Variants in URGCP observed in about 807,000 individuals in gnomAD.
The protein encoded by URGCP is up-regulator of cell proliferation.
Under a neutral mutation model 24.6 loss-of-function variants are expected in URGCP, and 13 were observed. That is an observed-to-expected ratio of 0.53 (90% CI 0.34 to 0.84). The LOEUF is 0.84. Among genes scored for constraint, URGCP ranks in the 40% least tolerant of loss-of-function variants. The pLI is 0.01. For synonymous variants in URGCP, 444 were observed against 487.2 expected, an observed-to-expected ratio of 0.91 and a Z score of 1.17; for missense variants, 899 against 1,194.3, an observed-to-expected ratio of 0.75 and a Z score of 3.64.
chr7:43,890,645 C>G (rs2095869325), intron 1 of URGCP, among the ~76,000 whole-genome samples: 1 of 152,260 alleles, frequency 6.6e-6, no homozygotes, highest in Admixed American at 6.5e-5. Context: ...CCTGCAGCAG[C>G]TGCTCACCTT....
chr7:43,919,279 T>TGATGC, intron 1 of URGCP: 1 of 820,278 alleles, frequency 1.2e-6, no homozygotes. Flanking sequence ...CTCAAGAGGC[T>TGATGC]GATGCAGAAC....
At position 43,919,421 on chromosome 7, in the gene URGCP, C is replaced by T. The variant is rs569397312; in HGVS notation, c.-116+6711G>A. On this transcript the variant is annotated intron_variant, in intron 1 of 5. Coordinates refer to the URGCP transcript ENST00000426198. ...CCACCATCATCTCGGCCAGCACCAT[C>T]ACCCTGCGCTACCCCAGCTACATGG... The T allele has an allele frequency of 4.0e-5, 36 of 892,372 alleles. No homozygotes were observed. The African/African-American group carries it at 5.4e-4, about 13-fold the overall frequency. 55.3% of individuals were successfully genotyped at this position (892,372 alleles called of 1,614,324 possible).
chr7:43,891,220 A>T (rs1278284512), intron 1 of URGCP, among the ~76,000 whole-genome samples: 2 of 152,200 alleles, frequency 1.3e-5, no homozygotes, highest in East Asian at 1.9e-4. Flanking sequence ...CTCCAGATCA[A>T]TCACTAATTT....
In URGCP at chr7:43,913,171, C is replaced by T. The variant is rs546657327; in HGVS notation, c.-116+12961G>A. On this transcript the variant is annotated intron_variant, in intron 1 of 5. Coordinates refer to the URGCP transcript ENST00000426198. Reference sequence around the variant, plus strand: ...CAGCCTCTCCCATACTTTTGAAGGACAATTTGCCAGATATAAGATTCTTGG... The same window carrying T: ...CAGCCTCTCCCATACTTTTGAAGGATAATTTGCCAGATATAAGATTCTTGG... Among the ~76,000 whole-genome samples, 7 of 152,016 alleles carry T rather than the reference C, an allele frequency of 4.6e-5. No homozygotes were observed. In the South Asian group the frequency reaches 1.5e-3, roughly 32 times the overall value.
intron 1 of URGCP, among the ~76,000 whole-genome samples, chr7:43,891,579 T>C (rs572558473): frequency 7.9e-5 from 12 of 152,250 alleles, no homozygotes; most frequent in African/African-American, 2.9e-4. Flanking sequence ...CTTGGCATTA[T>C]CAGTACTGCA....
Position 43,876,996 on chromosome 7 carries a change from G to A in URGCP, c.2467C>T (p.His823Tyr), listed in dbSNP as rs375465430. The A allele has an allele frequency of 1.2e-6, 2 of 1,614,236 alleles. No homozygotes were observed. Among genetic ancestry groups the A allele is most frequent in the Non-Finnish European group, 1.7e-6 (2 of 1,180,046 alleles). The change falls in exon 6 of 6, where the codon CAT becomes TAT. Residue 823 changes from histidine to tyrosine, a missense_variant. His to Tyr is a moderately conservative substitution (Grantham distance 83). Coordinates refer to ENST00000453200, the MANE Select transcript of URGCP (RefSeq NM_001077663.3). ...CTAGGGCCGGGAACAGATACATCAT[G>A]AAGGTTCTGGTATACAAACTGGTAG... ...PNYQFVYQNL[H>Y]DVSVPGPRPR...
At chr7:43,909,878 T>C (rs1286722853), upstream of URGCP, among the ~76,000 whole-genome samples, 1 of 150,404 alleles carries the variant, frequency 6.6e-6, no homozygotes, top group Non-Finnish European at 1.5e-5. Flanking sequence ...CCCTGTTCTC[T>C]ACTAAAAATA....
chr7:43,926,469 G>C (rs915291774), upstream of URGCP: 15 of 1,401,714 alleles, frequency 1.1e-5, no homozygotes, highest in Admixed American at 1.2e-4. Flanking sequence ...TGGCGGCTGA[G>C]CCGGCAGCGG....
rs1157375742 is a variant in URGCP at position 43,918,827 on chromosome 7, C to A, written c.-116+7305G>T. On this transcript the variant is annotated intron_variant, in intron 1 of 5. Coordinates refer to the URGCP transcript ENST00000426198. ...CCATGGAGGAGTTCGCTACTGAGGG[C>A]ACTGACCACAAGGACATCTTTTTCT... The A allele has an allele frequency of 1.1e-5, 14 of 1,271,418 alleles. 1 individual carries two copies. Among genetic ancestry groups the A allele is most frequent in the Non-Finnish European group, 1.6e-5 (14 of 866,272 alleles). 78.8% of individuals were successfully genotyped at this position (1,271,418 alleles called of 1,614,324 possible).
intron 3 of URGCP, among the ~76,000 whole-genome samples, chr7:43,882,841 C>G (rs569041505): frequency 4.6e-5 from 7 of 152,276 alleles, no homozygotes; most frequent in African/African-American, 1.7e-4. Context: ...ATAAAACTTA[C>G]ATAGATTAAC....
chr7:43,910,233 T>C (rs577635989), upstream of URGCP, among the ~76,000 whole-genome samples: 1 of 152,222 alleles, frequency 6.6e-6, no homozygotes, highest in South Asian at 2.1e-4. Flanking sequence ...CATTTATTTA[T>C]GAGACACGGT....
At chr7:43,924,037 A>G (rs1244052835) in intron 1 of URGCP, among the ~76,000 whole-genome samples, 1 of 151,456 alleles carries the variant, frequency 6.6e-6, no homozygotes, top group Non-Finnish European at 1.5e-5. Flanking sequence ...ACCTGGCTAA[A>G]TTTTGTATTT....
At chr7:43,890,824 G>A (rs1167645303) in intron 1 of URGCP, among the ~76,000 whole-genome samples, 1 of 152,240 alleles carries the variant, frequency 6.6e-6, no homozygotes, top group African/African-American at 2.4e-5. Context: ...CACCAGGGCA[G>A]CCATGCCATA....
At chr7:43,903,143 GAGAGAA>G (rs1171548653) in intron 1 of URGCP, among the ~76,000 whole-genome samples, 34 of 150,316 alleles carry the variant, frequency 2.3e-4, no homozygotes, top group African/African-American at 8.1e-4. Context: ...AAAAGAGAGA[GAGAGAA>G]AGAGAAAGAG....
At chr7:43,888,062 T>G in intron 1 of URGCP, 1 of 468,612 alleles carries the variant, frequency 2.1e-6, no homozygotes, top group East Asian at 3.8e-5. Flanking sequence ...ACAGTATGAT[T>G]ACAATTTAAT....
Position 43,876,838 on chromosome 7 carries a change from G to A in URGCP, c.2625C>T (p.Ile875=), listed in dbSNP as rs770294823. 1 of 1,614,198 alleles carries A rather than the reference G, an allele frequency of 6.2e-7. No homozygotes were observed. ...CGTGCCACAGGCCTGGGATGTGCCA[G>A]ATGTGCTGCTTCTCAGGGTCGCAGA... ...LAFCDPEKQH[I]WHIPGLWHGA... is the part of the protein sequence containing the mutation. Residue 875 remains isoleucine (I), a synonymous_variant, in exon 6 of 6, where the codon ATC becomes ATT. Coordinates refer to ENST00000453200, the MANE Select transcript of URGCP (RefSeq NM_001077663.3).
At chr7:43,899,325 G>A (rs1373365013) in intron 1 of URGCP, among the ~76,000 whole-genome samples, 1 of 142,482 alleles carries the variant, frequency 7.0e-6, no homozygotes, top group East Asian at 2.0e-4. Context: ...TCACTATGTT[G>A]CCCAGGCCAG....
At chr7:43,912,545 G>A (rs2095911126) in intron 1 of URGCP, among the ~76,000 whole-genome samples, 1 of 152,090 alleles carries the variant, frequency 6.6e-6, no homozygotes, top group Non-Finnish European at 1.5e-5. Flanking sequence ...AACTGTTTTG[G>A]CTGTTCAGGA....
chr7:43,906,668 C>T, upstream of URGCP: 1 of 1,116,250 alleles, frequency 9.0e-7, no homozygotes. Context: ...CGGCCGCCCG[C>T]CCGCTCCGGG....
Sources: gnomAD v4.1 joint callset for allele counts (sites outside exome capture counted in the v4.1 genomes callset) on GRCh38, gnomAD v4.1.1 for gene constraint, MANE v1.5 for transcripts, NCBI Gene and HGNC (gene_info 2026-07-23, HGNC 2026-07-21) for gene names.